The following SLC1A2 variants were observed in gnomAD, a reference collection of about 807,000 sequenced individuals.
SLC1A2 encodes excitatory amino acid transporter 2.
Under a neutral mutation model 48.8 loss-of-function variants are expected in SLC1A2, and 15 were observed. The ratio of observed to expected loss-of-function variants is 0.31; its 90% CI spans 0.21 to 0.47. The LOEUF (loss-of-function observed/expected upper bound fraction) is 0.47. Ranked by LOEUF, SLC1A2 falls within the 20% of genes least tolerant of loss-of-function variation. SLC1A2 has a pLI of 0.99. For missense variants in SLC1A2, 502 were observed against 730.5 expected, an observed-to-expected ratio of 0.69 and a Z score of 3.61; for synonymous variants, 279 against 272.6, an observed-to-expected ratio of 1.02 and a Z score of -0.23.
At chr11:35,407,795 C>T (rs1369168333) in intron 1 of SLC1A2, among the ~76,000 whole-genome samples, 1 of 152,202 alleles carries the variant, frequency 6.6e-6, no homozygotes, top group Non-Finnish European at 1.5e-5. Context: ...CCCTGCACCC[C>T]GCACCCCGTG....
intron 5 of SLC1A2, among the ~76,000 whole-genome samples, chr11:35,303,802 A>G (rs1851423720): frequency 7.7e-6 from 1 of 130,394 alleles, no homozygotes; most frequent in East Asian, 2.8e-4. Flanking sequence ...TAGGAGAGAA[A>G]TGGTTCCTTA....
intron 1 of SLC1A2, chr11:35,399,514 G>C (rs759398710): frequency 2.2e-5 from 12 of 540,408 alleles, no homozygotes; most frequent in Non-Finnish European, 2.6e-5. Context: ...GGTAGAGCTA[G>C]GAGAAGGAGG....
At chr11:35,363,849 G>A (rs1452574090) in intron 1 of SLC1A2, among the ~76,000 whole-genome samples, 3 of 152,138 alleles carry the variant, frequency 2.0e-5, no homozygotes, top group African/African-American at 7.2e-5. Flanking sequence ...TTTCCTCACT[G>A]ATTGGTTCTC....
At chr11:35,280,551 T>C in intron 9 of SLC1A2, 1 of 294,364 alleles carries the variant, frequency 3.4e-6, no homozygotes, top group Non-Finnish European at 6.2e-6. Flanking sequence ...ACTCCTTTGT[T>C]TCTGGCTCTA....
intron 1 of SLC1A2, among the ~76,000 whole-genome samples, chr11:35,414,287 T>C (rs1855547424): frequency 6.6e-6 from 1 of 152,246 alleles, no homozygotes; most frequent in East Asian, 1.9e-4. Flanking sequence ...CTTTTTAAAA[T>C]TTTAAAGATC....
chr11:35,387,018 C>T (rs1854604106), intron 1 of SLC1A2, among the ~76,000 whole-genome samples: 1 of 152,084 alleles, frequency 6.6e-6, no homozygotes, highest in Non-Finnish European at 1.5e-5. Flanking sequence ...AATCCTCTTG[C>T]CTCAGCCTCC....
intron 1 of SLC1A2, among the ~76,000 whole-genome samples, chr11:35,325,661 C>T (rs922041202): frequency 1.3e-5 from 2 of 152,102 alleles, no homozygotes; most frequent in African/African-American, 2.4e-5. Flanking sequence ...GGGGAAGTCA[C>T]GTCCTGTAAA....
intron 1 of SLC1A2, among the ~76,000 whole-genome samples, chr11:35,399,984 G>A (rs1855088161): frequency 6.6e-6 from 1 of 152,198 alleles, no homozygotes; most frequent in Non-Finnish European, 1.5e-5. Flanking sequence ...GCCATGTAAT[G>A]AGGAATTCAA....
chr11:35,411,798 T>C (rs7928425), intron 1 of SLC1A2, among the ~76,000 whole-genome samples: 106,856 of 152,110 alleles, frequency 0.7, 38,360 homozygotes, highest in African/African-American at 0.85. Context: ...ACAAATAGGT[T>C]TGACAATCAT....
chr11:35,339,930 T>C (rs904551093), intron 1 of SLC1A2, among the ~76,000 whole-genome samples: 4 of 152,198 alleles, frequency 2.6e-5, no homozygotes, highest in African/African-American at 9.7e-5. Context: ...TTTTCAATGT[T>C]AGGATTAAAA....
At chr11:35,338,299 A>G (rs940820252) in intron 1 of SLC1A2, among the ~76,000 whole-genome samples, 1 of 152,202 alleles carries the variant, frequency 6.6e-6, no homozygotes, top group Non-Finnish European at 1.5e-5. Flanking sequence ...TAGACCCTAC[A>G]TAACAAATCT....
At chr11:35,305,681 G>T (rs184753162) in intron 5 of SLC1A2, among the ~76,000 whole-genome samples, 1 of 152,204 alleles carries the variant, frequency 6.6e-6, no homozygotes. Flanking sequence ...TCCAGCCCCC[G>T]CACCTAGCAC....
At chr11:35,351,268 A>G (rs1292691246) in intron 1 of SLC1A2, among the ~76,000 whole-genome samples, 1 of 152,212 alleles carries the variant, frequency 6.6e-6, no homozygotes, top group Non-Finnish European at 1.5e-5. Context: ...TTACGAGCCC[A>G]TGCTCTTCTC....
intron 1 of SLC1A2, among the ~76,000 whole-genome samples, chr11:35,412,390 G>C (rs1855488216): frequency 6.6e-6 from 1 of 152,196 alleles, no homozygotes; most frequent in Admixed American, 6.5e-5. Flanking sequence ...ACTTGGTGGA[G>C]AAAGCTTTTA....
chr11:35,319,029 G>A (rs867246079), intron 1 of SLC1A2, among the ~76,000 whole-genome samples: 2 of 152,322 alleles, frequency 1.3e-5, no homozygotes, highest in African/African-American at 4.8e-5. Context: ...AGGCTTCTTA[G>A]TCTCCCCTTA....
At chr11:35,316,522 G>C (rs1435960077) in intron 2 of SLC1A2, 1 of 152,248 alleles carries the variant, frequency 6.6e-6, no homozygotes, top group African/African-American at 2.4e-5. Flanking sequence ...CGAGCTCCCA[G>C]TCCTGATCCT....
intron 1 of SLC1A2, among the ~76,000 whole-genome samples, chr11:35,381,044 TACTC>T (rs1344765527): frequency 1.3e-5 from 2 of 152,260 alleles, no homozygotes. Context: ...AGGTATAAGT[TACTC>T]AATTATGAGA....
At chr11:35,378,796 T>C (rs1262357828) in intron 1 of SLC1A2, among the ~76,000 whole-genome samples, 2 of 152,220 alleles carry the variant, frequency 1.3e-5, no homozygotes, top group Non-Finnish European at 2.9e-5. Context: ...TCTATAAGGA[T>C]GCAGTTAAAG....
intron 1 of SLC1A2, among the ~76,000 whole-genome samples, chr11:35,349,819 G>T (rs578255941): frequency 1.3e-5 from 2 of 152,254 alleles, no homozygotes; most frequent in South Asian, 4.2e-4. Context: ...TTGGGCTCAG[G>T]GGGCTTACAG....
Sources: allele counts gnomAD v4.1 joint callset (sites outside exome capture counted in the v4.1 genomes callset), GRCh38; gene constraint gnomAD v4.1.1; transcripts MANE v1.5; gene names NCBI Gene and HGNC (gene_info 2026-07-23, HGNC 2026-07-21).